The following ATG4B variants were observed in gnomAD, a reference collection of about 807,000 sequenced individuals.
The protein encoded by ATG4B is autophagy related 4B cysteine peptidase.
ATG4B carries 29 observed loss-of-function variants against 56.6 expected under a neutral mutation model. That is an observed-to-expected ratio of 0.51 (90% CI 0.38 to 0.70). The LOEUF is 0.70. Among genes scored for constraint, ATG4B ranks in the 30% least tolerant of loss-of-function variants. The probability of loss-of-function intolerance (pLI) is 0.00; values close to 1 mark genes in which losing one functional copy is unlikely to be tolerated. For synonymous variants in ATG4B, 224 were observed against 206.1 expected (o/e 1.09, Z -0.74); for missense variants, 461 against 515.5 (o/e 0.89, Z 1.02).
chr2:241,649,188 A>G (rs2068154914), intron 1 of ATG4B, among the ~76,000 whole-genome samples: 1 of 152,234 alleles, frequency 6.6e-6, no homozygotes, highest in Admixed American at 6.5e-5. Flanking sequence ...TGTGCACAGC[A>G]CAGAAGTTCA....
chr2:241,653,531 G>T lies in ATG4B; in HGVS notation c.204G>T (p.Ser68=). ...FPAIGGTGPT[S]DTGWGCMLRC... ...CGACAGGGGGGACAGGCCCCACCTC[G>T]GACACAGGCTGGGGCTGCATGCTGC... Residue 68 remains serine, a synonymous_variant, in exon 4 of 13, where the codon TCG becomes TCT. Transcript: ENST00000404914. 6.3e-7 allele frequency: 1 copy of T among 1,582,722 alleles called. No homozygotes were observed. Among genetic ancestry groups the T allele is most frequent in the Non-Finnish European group, 8.6e-7 (1 of 1,164,466 alleles).
intron 7 of ATG4B, among the ~76,000 whole-genome samples, chr2:241,660,868 T>C (rs950655901): frequency 3.3e-5 from 5 of 152,166 alleles, no homozygotes; most frequent in African/African-American, 1.2e-4. Context: ...GTGCTCAGGA[T>C]CTCACCAAGT....
At chr2:241,643,613 C>T (rs1399511862) in intron 1 of ATG4B, among the ~76,000 whole-genome samples, 3 of 147,256 alleles carry the variant, frequency 2.0e-5, no homozygotes, top group Admixed American at 1.4e-4. Flanking sequence ...CATATATATA[C>T]GTATATATAC....
Position 241,651,264 on chromosome 2 carries a change from A to G in ATG4B, c.113A>G (p.Glu38Gly). The G allele has an allele frequency of 1.3e-6, 2 of 1,596,676 alleles. No homozygotes were observed. Among genetic ancestry groups the G allele is most frequent in the Non-Finnish European group, 1.7e-6 (2 of 1,171,514 alleles). Residue 38 changes from glutamate (E) to glycine (G), a missense_variant and splice_region_variant, in exon 3 of 13, where the codon GAA becomes GGA. Transcript: ENST00000404914. The surrounding 1 kb of genome is among the most constrained non-coding windows in gnomAD (Gnocchi z 4.1). ...ILGRKYSIFT[E>G]KDEILSDVAS... ...TTTTTTTCTTTTAAACAACCTCTAG[A>G]AAAGGACGAGATCTTGTCTGATGTG...
intron 1 of ATG4B, among the ~76,000 whole-genome samples, chr2:241,643,694 T>C (rs531244998): frequency 0.023 from 2,807 of 121,602 alleles, 128 homozygotes; most frequent in African/African-American, 0.069. Context: ...GTATATATTT[T>C]CCCCCCCCCC....
intron 1 of ATG4B, among the ~76,000 whole-genome samples, chr2:241,645,852 T>A (rs967363495): frequency 6.6e-6 from 1 of 152,076 alleles, no homozygotes; most frequent in African/African-American, 2.4e-5. Context: ...GGCAGGATTC[T>A]CGGGGAGGGC....
intron 7 of ATG4B, 186 bp from the exon 8 acceptor site, chr2:241,666,459 C>T (rs1316814938): frequency 7.9e-6 from 5 of 631,172 alleles, no homozygotes; most frequent in African/African-American, 7.4e-5. Flanking sequence ...TTTCTTTTTT[C>T]TCTGGGTGGC....
chr2:241,655,420 A>G (rs188562704), intron 6 of ATG4B, 77 bp downstream of exon 6: 73 of 1,432,696 alleles, frequency 5.1e-5, no homozygotes, highest in Admixed American at 2.2e-4. Flanking sequence ...TTGAGTCTTC[A>G]TGGCTACAGG....
At chr2:241,641,384 A>G (rs915201434) in intron 1 of ATG4B, among the ~76,000 whole-genome samples, 2 of 152,128 alleles carry the variant, frequency 1.3e-5, no homozygotes, top group East Asian at 3.9e-4. Flanking sequence ...CCCCGTCGCT[A>G]CTAAAAATAC....
intron 1 of ATG4B, among the ~76,000 whole-genome samples, chr2:241,647,119 A>G (rs1323344452): frequency 1.3e-5 from 2 of 152,104 alleles, no homozygotes; most frequent in East Asian, 3.9e-4. Context: ...TTCAATTTAC[A>G]ATGGGTTTAT....
At chr2:241,665,004 C>T (rs2068718301) in intron 7 of ATG4B, among the ~76,000 whole-genome samples, 1 of 152,132 alleles carries the variant, frequency 6.6e-6, no homozygotes, top group African/African-American at 2.4e-5. Context: ...CCTGTTGTTC[C>T]AGCTACTCGG....
chr2:241,655,851 G>A (rs965111083), intron 6 of ATG4B, among the ~76,000 whole-genome samples: 2 of 152,112 alleles, frequency 1.3e-5, no homozygotes, highest in African/African-American at 4.8e-5. Context: ...TTGCGTGCCC[G>A]CCCCCCAGAT....
chr2:241,659,187 A>C lies in ATG4B; in HGVS notation c.538A>C (p.Arg180=). 6.2e-7 allele frequency: 1 copy of C among 1,613,340 alleles called. No homozygotes were observed. Among genetic ancestry groups the C allele is most frequent in the Non-Finnish European group, 8.5e-7 (1 of 1,179,324 alleles). ...MDNTVVMEEI[R]RLCRTSVPCA... The stretch of plus-strand genomic sequence containing the variant: ...CAACACTGTTGTGATGGAGGAAATC[A>C]GTAAGTGGCTCAGAGTTTCCATGGA... The change falls in exon 7 of 13, where the codon AGA becomes CGA. Residue 180 remains arginine, a splice_region_variant and synonymous_variant. Transcript: ENST00000404914.
chr2:241,666,492 AC>A (rs1159319875), intron 7 of ATG4B, 152 bp from the exon 8 acceptor site: 12 of 796,834 alleles, frequency 1.5e-5, no homozygotes, highest in Admixed American at 5.5e-5. Flanking sequence ...AAATTTTCTT[AC>A]GCTTTTCTAT....
chr2:241,660,370 CG>C (rs1201577497), intron 7 of ATG4B, among the ~76,000 whole-genome samples: 1 of 152,152 alleles, frequency 6.6e-6, no homozygotes, highest in Non-Finnish European at 1.5e-5. Context: ...TGGCCATCCT[CG>C]GGGGCATTGT....
chr2:241,649,455 T>C (rs2068164974), intron 1 of ATG4B, among the ~76,000 whole-genome samples: 1 of 152,250 alleles, frequency 6.6e-6, no homozygotes, highest in African/African-American at 2.4e-5. Context: ...GAGAAATTCA[T>C]ATGTGATTGA....
chr2:241,671,758 A>T (rs1575096084), intron 12 of ATG4B: 5 of 1,291,168 alleles, frequency 3.9e-6, no homozygotes, highest in Non-Finnish European at 5.0e-6. Flanking sequence ...ACCACTGGCC[A>T]TGGGTGGCGT....
intron 12 of ATG4B, chr2:241,671,898 A>C: frequency 1.5e-6 from 2 of 1,331,566 alleles, no homozygotes; most frequent in Non-Finnish European, 9.6e-7. Context: ...GGCAATGGCA[A>C]TGGAACCACT....
At chr2:241,671,978 G>A in intron 12 of ATG4B, 1 of 1,411,410 alleles carries the variant, frequency 7.1e-7, no homozygotes, top group South Asian at 1.6e-5. Flanking sequence ...GCCGCCCCCT[G>A]CCCTCCTCAC....
Sources: gnomAD v4.1 joint callset for allele counts (sites outside exome capture counted in the v4.1 genomes callset) on GRCh38, gnomAD v4.1.1 for gene constraint, Gnocchi (gnomAD v3.1) non-coding constraint, MANE v1.5 for transcripts, NCBI Gene and HGNC (gene_info 2026-07-23, HGNC 2026-07-21) for gene names.